The following IL1RAPL1 variants were observed in gnomAD, a reference collection of about 807,000 sequenced individuals.
The protein encoded by IL1RAPL1 is interleukin-1 receptor accessory protein-like 1.
Under a neutral mutation model 48.4 loss-of-function variants are expected in IL1RAPL1, and 3 were observed. That is an observed-to-expected ratio of 0.06 (90% CI 0.03 to 0.16). IL1RAPL1 has a LOEUF of 0.16. IL1RAPL1 is among the 10% of genes least tolerant of loss of function. The pLI is 1.00. For missense variants in IL1RAPL1, 349 were observed against 530.6 expected (o/e 0.66, Z 3.36); for synonymous variants, 185 against 187.7 (o/e 0.99, Z 0.12).
At chrX:29,144,373 C>G (rs928798064) in intron 2 of IL1RAPL1, among the ~76,000 whole-genome samples, 1 of 109,532 alleles carries the variant, frequency 9.1e-6, no homozygotes, top group Admixed American at 9.8e-5. Flanking sequence ...GAGGCCGAGG[C>G]AGGTGGATCA....
chrX:28,775,571 A>G (rs1165024227), intron 1 of IL1RAPL1, among the ~76,000 whole-genome samples: 3 of 112,832 alleles, frequency 2.7e-5, no homozygotes, highest in African/African-American at 6.4e-5. Flanking sequence ...GAATTTCAAC[A>G]TATCTTTTTA....
chrX:29,442,452 G>T (rs1254264288), intron 5 of IL1RAPL1, among the ~76,000 whole-genome samples: 1 of 111,302 alleles, frequency 9.0e-6, no homozygotes, highest in Admixed American at 9.6e-5. Context: ...CACCACTAAA[G>T]AATTTACTCC....
intron 2 of IL1RAPL1, among the ~76,000 whole-genome samples, chrX:29,268,149 C>T (rs769249441): frequency 2.2e-4 from 24 of 111,559 alleles, no homozygotes; most frequent in African/African-American, 7.8e-4. Context: ...TTCAAGGAAA[C>T]GACTGAGTGA....
intron 6 of IL1RAPL1, among the ~76,000 whole-genome samples, chrX:29,752,048 T>TTA (rs753267627): frequency 1.6e-4 from 16 of 97,428 alleles, no homozygotes; most frequent in East Asian, 1.6e-3. Context: ...TCTATCTATT[T>TTA]TATATATATA....
intron 2 of IL1RAPL1, among the ~76,000 whole-genome samples, chrX:28,991,788 A>T (rs1053046471): frequency 1.8e-5 from 2 of 112,644 alleles, no homozygotes; most frequent in African/African-American, 6.4e-5. Flanking sequence ...AAATTGAAAT[A>T]TTATATGGAT....
intron 2 of IL1RAPL1, among the ~76,000 whole-genome samples, chrX:28,865,410 GC>G (rs1922054259): frequency 9.6e-6 from 1 of 103,717 alleles, no homozygotes; most frequent in Non-Finnish European, 2.0e-5. Context: ...CGGTACTCCA[GC>G]CTGGGTGACA....
intron 2 of IL1RAPL1, among the ~76,000 whole-genome samples, chrX:28,816,305 G>T (rs1470148702): frequency 9.1e-6 from 1 of 109,802 alleles, no homozygotes; most frequent in Admixed American, 9.7e-5. Context: ...TGGGTATATT[G>T]TATGATGCTA....
At chrX:28,715,319 G>A (rs1935490461) in intron 1 of IL1RAPL1, among the ~76,000 whole-genome samples, 1 of 111,921 alleles carries the variant, frequency 8.9e-6, no homozygotes, top group Non-Finnish European at 1.9e-5. Context: ...TAAAATTAAG[G>A]CAGAAATCAA....
chrX:29,045,937 C>A (rs1926951793), intron 2 of IL1RAPL1, among the ~76,000 whole-genome samples: 1 of 43,357 alleles, frequency 2.3e-5, no homozygotes, highest in Non-Finnish European at 3.4e-5. Flanking sequence ...CCTCCTCCTC[C>A]TTCTTCCTCC....
At chrX:29,857,042 G>T (rs1931490613) in intron 6 of IL1RAPL1, among the ~76,000 whole-genome samples, 1 of 111,240 alleles carries the variant, frequency 9.0e-6, no homozygotes, top group African/African-American at 3.3e-5. Context: ...AACAGAAAAT[G>T]GATTGAGTAC....
intron 2 of IL1RAPL1, among the ~76,000 whole-genome samples, chrX:28,963,642 G>A (rs892404080): frequency 9.0e-6 from 1 of 110,801 alleles, no homozygotes; most frequent in Admixed American, 9.7e-5. Flanking sequence ...CCTTAAATAT[G>A]CATGTTTGGG....
At chrX:29,925,692 T>C (rs1182999891) in intron 8 of IL1RAPL1, among the ~76,000 whole-genome samples, 2 of 106,917 alleles carry the variant, frequency 1.9e-5, no homozygotes, top group Non-Finnish European at 3.9e-5. Flanking sequence ...TGCATGCCAC[T>C]ACACCTGGCT....
chrX:29,255,518 A>G (rs1444927986), intron 2 of IL1RAPL1, among the ~76,000 whole-genome samples: 2 of 110,803 alleles, frequency 1.8e-5, no homozygotes, highest in African/African-American at 3.3e-5. Flanking sequence ...GGCATATTGC[A>G]TGATACTGAA....
intron 5 of IL1RAPL1, among the ~76,000 whole-genome samples, chrX:29,439,393 T>G (rs1169128892): frequency 8.9e-6 from 1 of 111,888 alleles, no homozygotes; most frequent in African/African-American, 3.2e-5. Flanking sequence ...CAATGTCACT[T>G]CTACCTGTAT....
intron 2 of IL1RAPL1, among the ~76,000 whole-genome samples, chrX:29,260,062 C>T (rs1326303339): frequency 8.9e-6 from 1 of 112,163 alleles, no homozygotes; most frequent in Non-Finnish European, 1.9e-5. Flanking sequence ...GACATAGATC[C>T]TATTAGTTTG....
intron 1 of IL1RAPL1, among the ~76,000 whole-genome samples, chrX:28,619,285 AGT>A (rs1236616569): frequency 9.0e-6 from 1 of 110,753 alleles, no homozygotes; most frequent in Non-Finnish European, 1.9e-5. Flanking sequence ...ATGGTTGATT[AGT>A]GCATCTATAA....
intron 5 of IL1RAPL1, among the ~76,000 whole-genome samples, chrX:29,436,987 G>A (rs1315195975): frequency 1.8e-5 from 2 of 110,106 alleles, no homozygotes; most frequent in Admixed American, 9.7e-5. Context: ...TCCTCCAAGC[G>A]ACAAGCAGAA....
intron 2 of IL1RAPL1, among the ~76,000 whole-genome samples, chrX:29,165,179 C>T (rs780101574): frequency 4.5e-5 from 5 of 111,450 alleles, no homozygotes; most frequent in Non-Finnish European, 9.4e-5. Flanking sequence ...ATTAGCTGGG[C>T]GTGGTGGTGG....
intron 1 of IL1RAPL1, among the ~76,000 whole-genome samples, chrX:28,590,062 C>T (rs1933891072): frequency 8.9e-6 from 1 of 111,782 alleles, no homozygotes; most frequent in African/African-American, 3.3e-5. Context: ...GAAGGGAATA[C>T]TGCAGAATAA....
Sources: allele counts gnomAD v4.1 joint callset (sites outside exome capture counted in the v4.1 genomes callset), GRCh38; gene constraint gnomAD v4.1.1; transcripts MANE v1.5; gene names NCBI Gene and HGNC (gene_info 2026-07-23, HGNC 2026-07-21).